Variants in EMID1 observed in about 807,000 individuals in gnomAD.
EMID1 encodes EMI domain containing 1.
EMID1 carries 40 observed loss-of-function variants against 60.6 expected under a neutral mutation model. The observed-to-expected ratio is 0.66, with a 90% CI of 0.51 to 0.86. The LOEUF is 0.86. Among genes scored for constraint, EMID1 ranks in the 40% least tolerant of loss-of-function variants. The pLI is 0.00. For missense variants in EMID1, 585 were observed against 597.1 expected, an observed-to-expected ratio of 0.98 and a Z score of 0.21; for synonymous variants, 242 against 231.0, an observed-to-expected ratio of 1.05 and a Z score of -0.43.
chr22:29,218,553 G>A (rs2040170443), intron 3 of EMID1, among the ~76,000 whole-genome samples: 1 of 152,188 alleles, frequency 6.6e-6, no homozygotes, highest in South Asian at 2.1e-4. Flanking sequence ...AGGAGGTGGG[G>A]AAGGGGTCAC....
At chr22:29,224,996 T>C in intron 3 of EMID1, 137 bp from the exon 4 acceptor site, 2 of 807,048 alleles carry the variant, frequency 2.5e-6, no homozygotes, top group Non-Finnish European at 4.0e-6. Context: ...TTGACCCAGA[T>C]ACATTGCCTC....
intron 1 of EMID1, among the ~76,000 whole-genome samples, chr22:29,208,274 A>G (rs1213483433): frequency 1.3e-5 from 2 of 152,120 alleles, no homozygotes; most frequent in African/African-American, 4.8e-5. Context: ...CGCAGAAAAG[A>G]GGCTTTGTCC....
In EMID1 at chr22:29,255,385, G is replaced by A. The variant is rs1054477618; in HGVS notation, c.1204+1098G>A. 2.8e-6 allele frequency: 4 copies of A among 1,425,570 alleles called. No homozygotes were observed. In the Admixed American group the frequency reaches 7.6e-5, roughly 27 times the overall value. The allele number at this position is 1,425,570 out of a possible 1,614,324, so 88.3% of individuals were successfully genotyped here. A position where few individuals can be genotyped will look rare whatever the true frequency, so the allele number is the denominator to read the frequency against. On this transcript the variant is annotated intron_variant, in intron 14 of 14. Coordinates refer to ENST00000334018, the MANE Select transcript of EMID1 (RefSeq NM_133455.4). ...AGGTAATGGCAGGGCGGGCAGGCAGGGGCAGCCTCTTCCAGGAAGGGCCTG... is the reference window on the plus strand; with the variant it reads ...AGGTAATGGCAGGGCGGGCAGGCAGAGGCAGCCTCTTCCAGGAAGGGCCTG...
intron 12 of EMID1, among the ~76,000 whole-genome samples, chr22:29,240,590 C>T (rs889760823): frequency 6.6e-6 from 1 of 152,224 alleles, no homozygotes; most frequent in African/African-American, 2.4e-5. Context: ...TGTGTCTAGA[C>T]TTGCTGGCTC....
At chr22:29,232,597 G>A (rs2040793001) in intron 8 of EMID1, 195 bp downstream of exon 8, 1 of 631,028 alleles carries the variant, frequency 1.6e-6, no homozygotes, top group Non-Finnish European at 2.5e-6. Context: ...GAGAGGGAAG[G>A]TGGCTTGCCA....
intron 2 of EMID1, 109 bp downstream of exon 2, chr22:29,215,148 G>C: frequency 1.9e-5 from 27 of 1,430,724 alleles, no homozygotes; most frequent in Non-Finnish European, 2.3e-5. Flanking sequence ...TGGACCCCAG[G>C]GTGGGCGGAG....
At chr22:29,241,802 T>C (rs2041163537) in intron 12 of EMID1, among the ~76,000 whole-genome samples, 1 of 150,808 alleles carries the variant, frequency 6.6e-6, no homozygotes, top group Non-Finnish European at 1.5e-5. Flanking sequence ...CATTTTTTTC[T>C]GTTTCTGCTC....
At chr22:29,223,907 C>T (rs899421927) in intron 3 of EMID1, among the ~76,000 whole-genome samples, 4 of 152,250 alleles carry the variant, frequency 2.6e-5, no homozygotes, top group Non-Finnish European at 4.4e-5. Flanking sequence ...CTGATTATCA[C>T]CTTCCTTGTA....
At chr22:29,218,200 G>A (rs1363988143) in intron 3 of EMID1, among the ~76,000 whole-genome samples, 3 of 152,304 alleles carry the variant, frequency 2.0e-5, no homozygotes, top group African/African-American at 7.2e-5. Context: ...ATTCCGTGGC[G>A]ACCTGGCAGA....
intron 13 of EMID1, among the ~76,000 whole-genome samples, chr22:29,248,475 C>A (rs888842625): frequency 3.9e-5 from 6 of 151,992 alleles, no homozygotes; most frequent in Admixed American, 6.6e-5. Context: ...TCCTGAAGAA[C>A]CTGCCTGAGG....
chr22:29,254,356 G>T, intron 14 of EMID1, 69 bp downstream of exon 14: 1 of 1,471,638 alleles, frequency 6.8e-7, no homozygotes, highest in South Asian at 1.1e-5. Context: ...AGCCCTCCTG[G>T]GGTGGAACTG....
intron 3 of EMID1, among the ~76,000 whole-genome samples, chr22:29,220,414 TCCCAGCCCCAGCTCCGACCCTAAC>T (rs1440217318): frequency 6.6e-6 from 1 of 152,138 alleles, no homozygotes; most frequent in African/African-American, 2.4e-5. Flanking sequence ...TTTTTGGAGC[TCCCAGCCCCAGCTCCGACCCTAAC>T]CCCTGGCTCT....
rs1303209829 is a variant in EMID1, at chr22:29,231,586, C to A, written c.587-7C>A. The A allele has an allele frequency of 6.5e-7, 1 of 1,546,060 alleles. No homozygotes were observed. The highest frequency in any genetic ancestry group is 1.4e-5 in the African/African-American group (1 of 73,092). On this transcript the variant is annotated splice_region_variant and splice_polypyrimidine_tract_variant and intron_variant, in intron 6 of 14. Coordinates refer to ENST00000334018, the MANE Select transcript of EMID1 (RefSeq NM_133455.4). ...GAGCTGCCAGTCTGATATGCTTTAC[C>A]CCCCAGACCAAGTCGGTGCTTGGGG...
chr22:29,234,230 A>C, intron 11 of EMID1, 31 bp downstream of exon 11: 1 of 1,609,340 alleles, frequency 6.2e-7, no homozygotes, highest in Non-Finnish European at 8.5e-7. Context: ...AGGTGGGGGA[A>C]TTCTGGGGAG....
intron 12 of EMID1, among the ~76,000 whole-genome samples, chr22:29,240,413 T>C (rs915056900): frequency 1.3e-5 from 2 of 152,112 alleles, no homozygotes; most frequent in African/African-American, 2.4e-5. Context: ...GGAACATGTC[T>C]GGGGTCCAGG....
At chr22:29,224,441 A>G (rs2040421185) in intron 3 of EMID1, among the ~76,000 whole-genome samples, 2 of 152,090 alleles carry the variant, frequency 1.3e-5, no homozygotes, top group Non-Finnish European at 1.5e-5. Flanking sequence ...AAACCAGACC[A>G]GCCAGGGCGG....
At chr22:29,255,208 G>GGCCCCC in intron 14 of EMID1, 4 of 815,194 alleles carry the variant, frequency 4.9e-6, no homozygotes, top group Non-Finnish European at 7.1e-6. Context: ...TCCCCGCTTG[G>GGCCCCC]CTCCCCAGCC....
At position 29,237,471 on chromosome 22, in the gene EMID1, A is replaced by G. The variant is rs912897424; in HGVS notation, c.1074+3122A>G. Among the ~76,000 whole-genome samples, 51 of 143,902 alleles carry G rather than the reference A, an allele frequency of 3.5e-4. 3 individuals are homozygous for G. Among genetic ancestry groups the G allele is most frequent in the Non-Finnish European group, 6.1e-4 (41 of 66,810 alleles). The allele number at this position is 143,902 out of a possible 152,430, so 94.4% of individuals were successfully genotyped here. On this transcript the variant is annotated intron_variant, in intron 12 of 14. Coordinates refer to ENST00000334018, the MANE Select transcript of EMID1 (RefSeq NM_133455.4). ...GCTGGGGTTACAGGTGTGAGCCACC[A>G]TGCCCGGCCATGCTCCTCCTTTCTT... is the stretch of plus-strand genomic sequence containing the variant.
intron 3 of EMID1, among the ~76,000 whole-genome samples, chr22:29,224,634 C>T (rs753290334): frequency 2.0e-5 from 3 of 152,246 alleles, no homozygotes; most frequent in African/African-American, 4.8e-5. Context: ...GCGACAGCCA[C>T]GGCGGCCATT....
Sources: allele counts gnomAD v4.1 joint callset (sites outside exome capture counted in the v4.1 genomes callset), GRCh38; gene constraint gnomAD v4.1.1; transcripts MANE v1.5; gene names NCBI Gene and HGNC (gene_info 2026-07-23, HGNC 2026-07-21).